CYFIP1: variants seen among roughly 807,000 people sequenced by gnomAD.
CYFIP1 encodes cytoplasmic FMR1 interacting protein 1, also known as cytoplasmic FMR1-interacting protein 1.
A neutral mutation model predicts 163.5 loss-of-function variants in CYFIP1; 58 were observed. The observed-to-expected ratio is 0.35, with a 90% confidence interval of 0.29 to 0.44. CYFIP1 has a LOEUF of 0.44. CYFIP1 is among the 20% of genes least tolerant of loss of function. The pLI, the probability that CYFIP1 is intolerant of heterozygous loss-of-function variation, is 1.00. For synonymous variants in CYFIP1, 663 were observed against 660.7 expected (o/e 1.00, Z -0.05); for missense variants, 1,338 against 1,653.8 (o/e 0.81, Z 3.31).
In CYFIP1 at chr15:22,918,693, T is replaced by C. The variant is rs79391513; in HGVS notation, c.1525A>G (p.Ser509Gly). The C allele has an allele frequency of 6.3e-7, 1 of 1,595,050 alleles. No homozygotes were observed. Among genetic ancestry groups the C allele is most frequent in the Non-Finnish European group, 8.5e-7 (1 of 1,171,236 alleles). The change falls in exon 14 of 31, where the codon AGT becomes GGT. Residue 509 changes from serine (S) to glycine (G), a missense_variant and splice_region_variant. By Grantham distance (56) the Ser-to-Gly change is moderately conservative. Transcript: ENST00000617928. Reference sequence around the variant, plus strand: ...GCACAGGGCGTGGGGAAGGCTGACCTCTGGATGACGTTCTTCTTCTTCTTG... The same window carrying C: ...GCACAGGGCGTGGGGAAGGCTGACCCCTGGATGACGTTCTTCTTCTTCTTG... The part of the protein sequence containing the change: ...AIKKKKNVIQ[S>G]VLQAIRKTVC...
intron 9 of CYFIP1, among the ~76,000 whole-genome samples, chr15:22,936,355 G>A (rs2061709602): frequency 1.3e-5 from 2 of 152,160 alleles, no homozygotes; most frequent in South Asian, 4.1e-4. Flanking sequence ...CACTTGAAGT[G>A]GCACATCACG....
chr15:22,912,253 G>T lies in CYFIP1; in HGVS notation c.2008C>A (p.Leu670Met). 1 of 1,613,648 alleles carries T rather than the reference G, an allele frequency of 6.2e-7. No individual in the cohort carries two copies. The highest frequency in any genetic ancestry group is 8.5e-7 in the Non-Finnish European group (1 of 1,179,794). Residue 670 changes from leucine to methionine, a missense_variant, in exon 18 of 31, where the codon CTG becomes ATG. Leu to Met is a conservative substitution (Grantham distance 15). Transcript: ENST00000617928. ...GCGTAGTGGGCGCTGTCATTGTACA[G>T]GTCCAGGGAGTAGAGCACGTACCTG... ...MMEYVLYSLD[L>M]YNDSAHYALT...
chr15:22,930,386 A>G (rs1595633332), intron 11 of CYFIP1, among the ~76,000 whole-genome samples: 1 of 95,866 alleles, frequency 1.0e-5, no homozygotes, highest in Non-Finnish European at 2.4e-5. Flanking sequence ...ACTCCGTCTC[A>G]CCCAAAAAAA....
intron 26 of CYFIP1, among the ~76,000 whole-genome samples, chr15:22,878,530 C>A (rs369288484): frequency 4.6e-5 from 7 of 151,692 alleles, no homozygotes; most frequent in South Asian, 2.1e-4. Context: ...ACACAAAGAC[C>A]AACTCCAGAA....
At chr15:22,959,956 ATC>A (rs2062619671) in intron 1 of CYFIP1, among the ~76,000 whole-genome samples, 1 of 152,114 alleles carries the variant, frequency 6.6e-6, no homozygotes, top group Non-Finnish European at 1.5e-5. Flanking sequence ...GAATCCCCGA[ATC>A]CCCACGTGGC....
chr15:22,918,241 G>A (rs2061060054), intron 14 of CYFIP1, among the ~76,000 whole-genome samples: 1 of 152,206 alleles, frequency 6.6e-6, no homozygotes, highest in Admixed American at 6.5e-5. Flanking sequence ...GCAGAACACA[G>A]CCTCCGCACG....
intron 25 of CYFIP1, 26 bp from the exon 26 acceptor site, chr15:22,880,069 T>C (rs760159225): frequency 1.9e-6 from 3 of 1,612,396 alleles, no homozygotes; most frequent in Non-Finnish European, 2.5e-6. Context: ...TGAGGTGGGG[T>C]TGGGGGACTG....
chr15:22,918,831 C>T lies in CYFIP1; in HGVS notation c.1387G>A (p.Val463Met). The change falls in exon 14 of 31, where the codon GTG (valine) becomes ATG (methionine). Residue 463 changes from valine to methionine, a missense_variant. By Grantham distance (21) the Val-to-Met change is conservative. Transcript: ENST00000617928. ...EVIAMIKGLQ[V>M]LMGRMESVFN... Reference sequence around the variant, plus strand: ...ACGCTCTCCATCCTGCCCATCAGCACCTGCAGGCCTTTGATCATGGCGATC... The same window carrying T: ...ACGCTCTCCATCCTGCCCATCAGCATCTGCAGGCCTTTGATCATGGCGATC... 6.2e-7 allele frequency: 1 copy of T among 1,610,926 alleles called. No homozygotes were observed. Among genetic ancestry groups the T allele is most frequent in the East Asian group, 2.2e-5 (1 of 44,798 alleles).
At chr15:22,912,763 C>G (rs1275525040) in intron 17 of CYFIP1, among the ~76,000 whole-genome samples, 1 of 151,908 alleles carries the variant, frequency 6.6e-6, no homozygotes. Context: ...TCTAACAAAA[C>G]TACAAAAAAC....
intron 22 of CYFIP1, among the ~76,000 whole-genome samples, chr15:22,902,408 G>A (rs1304531784): frequency 6.6e-6 from 1 of 152,212 alleles, no homozygotes; most frequent in Non-Finnish European, 1.5e-5. Flanking sequence ...GAGAGGCCGA[G>A]GGCCGCCCAT....
In CYFIP1 at chr15:22,944,676, A is replaced by G. The variant is rs1218982075; in HGVS notation, c.286-17T>C. The G allele has an allele frequency of 3.1e-6, 5 of 1,605,568 alleles. No individual in the cohort carries two copies. The highest frequency in any genetic ancestry group is 4.3e-6 in the Non-Finnish European group (5 of 1,172,264). On this transcript the variant is annotated splice_polypyrimidine_tract_variant and intron_variant, in intron 4 of 30. Transcript: ENST00000617928. The stretch of plus-strand genomic sequence containing the variant: ...ACATTTCACCTGGGAATAAAGGAAC[A>G]AGGATGACATAAGAGGCTTTGATCC...
intron 6 of CYFIP1, among the ~76,000 whole-genome samples, chr15:22,942,672 A>G (rs528078420): frequency 7.9e-5 from 12 of 152,316 alleles, no homozygotes; most frequent in African/African-American, 2.6e-4. Flanking sequence ...CTGGAAGCGC[A>G]GTGTGACCAC....
intron 9 of CYFIP1, among the ~76,000 whole-genome samples, chr15:22,935,277 T>C (rs1232513807): frequency 1.3e-5 from 2 of 152,170 alleles, no homozygotes; most frequent in East Asian, 3.8e-4. Context: ...ACAGAGAACC[T>C]GGACAGAGCC....
intron 27 of CYFIP1, 28 bp from the exon 28 acceptor site, chr15:22,874,672 T>C: frequency 6.7e-7 from 1 of 1,488,830 alleles, no homozygotes. Flanking sequence ...TTTTACTATA[T>C]TCTGCTCCTT....
intron 9 of CYFIP1, 139 bp from the exon 10 acceptor site, chr15:22,934,032 C>T (rs2061622500): frequency 1.7e-6 from 1 of 579,142 alleles, no homozygotes; most frequent in African/African-American, 1.9e-5. Flanking sequence ...AAAAAAAAAA[C>T]TATAAGTAAC....
At chr15:22,925,930 T>C (rs1043626805) in intron 13 of CYFIP1, 52 bp downstream of exon 13, 20 of 1,595,528 alleles carry the variant, frequency 1.3e-5, no homozygotes, top group African/African-American at 4.0e-5. Context: ...ACAGAGAAGA[T>C]GGTGTGAAGC....
At chr15:22,879,336 AGGACAGAG>A (rs2059682140) in intron 26 of CYFIP1, among the ~76,000 whole-genome samples, 1 of 152,110 alleles carries the variant, frequency 6.6e-6, no homozygotes, top group Admixed American at 6.5e-5. Context: ...TGTGATGTAC[AGGACAGAG>A]GGACAGCCAG....
intron 1 of CYFIP1, among the ~76,000 whole-genome samples, chr15:22,962,772 T>G (rs1260937565): frequency 1.3e-5 from 2 of 152,182 alleles, no homozygotes; most frequent in Non-Finnish European, 2.9e-5. Flanking sequence ...CATCTATATA[T>G]AGTCACCTGA....
Position 22,882,994 on chromosome 15 carries a change from G to A in CYFIP1, c.2694C>T (p.Tyr898=). ...TCCGGTAGCTGCCGTAAATGCTGGAGTAGGCCAAGTTCAAAGCCTGGAAAA... is the reference window on the plus strand; with the variant it reads ...TCCGGTAGCTGCCGTAAATGCTGGAATAGGCCAAGTTCAAAGCCTGGAAAA... The part of the protein sequence containing the change: ...LHGSKALNLA[Y]SSIYGSYRNF... Residue 898 remains tyrosine (Y), a synonymous_variant, in exon 24 of 31, where the codon TAC becomes TAT. Coordinates refer to ENST00000617928, the MANE Select transcript of CYFIP1 (RefSeq NM_014608.6). 1 of 1,613,896 alleles carries A rather than the reference G, an allele frequency of 6.2e-7. No homozygotes were observed. The highest frequency in any genetic ancestry group is 8.5e-7 in the Non-Finnish European group (1 of 1,179,834).
Sources: allele counts gnomAD v4.1 joint callset (sites outside exome capture counted in the v4.1 genomes callset), GRCh38; gene constraint gnomAD v4.1.1; transcripts MANE v1.5; gene names NCBI Gene and HGNC (gene_info 2026-07-23, HGNC 2026-07-21).